Variants in ATF7IP observed in about 807,000 individuals in gnomAD.
ATF7IP encodes the protein activating transcription factor 7-interacting protein 1.
A neutral mutation model predicts 106.4 loss-of-function variants in ATF7IP; 23 were observed. The observed-to-expected ratio is 0.22, with a 90% CI of 0.16 to 0.31. The LOEUF (loss-of-function observed/expected upper bound fraction) is 0.31, where lower values mean the gene tolerates loss of function less well. Ranked by LOEUF, ATF7IP falls within the 10% of genes least tolerant of loss-of-function variation. The probability of loss-of-function intolerance (pLI) is 1.00; values close to 1 mark genes in which losing one functional copy is unlikely to be tolerated. For synonymous variants in ATF7IP, 542 were observed against 539.0 expected (o/e 1.01, Z -0.08); for missense variants, 1,334 against 1,524.3 (o/e 0.88, Z 2.08).
chr12:14,464,393 TA>T (rs1383055794), intron 9 of ATF7IP, among the ~76,000 whole-genome samples: 1 of 152,228 alleles, frequency 6.6e-6, no homozygotes, highest in Non-Finnish European at 1.5e-5. Context: ...TTCAAGGACA[TA>T]ATTAAATGAG....
At chr12:14,431,004 T>G (rs1942091655) in intron 2 of ATF7IP, among the ~76,000 whole-genome samples, 1 of 152,226 alleles carries the variant, frequency 6.6e-6, no homozygotes, top group Admixed American at 6.5e-5. Flanking sequence ...AGGCAATGGT[T>G]TTTGTCCTCC....
intron 1 of ATF7IP, among the ~76,000 whole-genome samples, chr12:14,394,442 T>C (rs1291643812): frequency 1.3e-5 from 2 of 152,222 alleles, no homozygotes; most frequent in East Asian, 1.9e-4. Flanking sequence ...TATTCAAATA[T>C]GTATATCAAA....
At chr12:14,460,320 GAATTT>G (rs1943589166) in intron 8 of ATF7IP, among the ~76,000 whole-genome samples, 170 bp from the exon 9 acceptor site, 1 of 151,968 alleles carries the variant, frequency 6.6e-6, no homozygotes, top group Admixed American at 6.6e-5. Context: ...ATGCTTCTAT[GAATTT>G]AATTCTAAAT....
At chr12:14,488,478 A>G (rs545982452) in intron 13 of ATF7IP, among the ~76,000 whole-genome samples, 237 of 152,244 alleles carry the variant, frequency 1.6e-3, no homozygotes, top group Non-Finnish European at 2.6e-3. Context: ...TGCCTGCTTT[A>G]TATTTGTTGG....
intron 1 of ATF7IP, among the ~76,000 whole-genome samples, chr12:14,374,698 A>C (rs1043102992): frequency 6.6e-6 from 1 of 152,186 alleles, no homozygotes; most frequent in Non-Finnish European, 1.5e-5. Flanking sequence ...TCTTAGAGCC[A>C]GAAAGGAAGG....
chr12:14,416,435 TA>T (rs1379224949), intron 1 of ATF7IP, among the ~76,000 whole-genome samples: 1 of 152,208 alleles, frequency 6.6e-6, no homozygotes, highest in Non-Finnish European at 1.5e-5. Context: ...CATGTCCACT[TA>T]AAAGGTTTTG....
chr12:14,405,319 T>C (rs1241225417), intron 1 of ATF7IP, among the ~76,000 whole-genome samples: 1 of 151,588 alleles, frequency 6.6e-6, no homozygotes, highest in Non-Finnish European at 1.5e-5. Context: ...CTTGCTCTGC[T>C]ATAGAAGATA....
intron 1 of ATF7IP, among the ~76,000 whole-genome samples, chr12:14,387,996 T>C (rs984987750): frequency 4.7e-5 from 7 of 150,462 alleles, no homozygotes; most frequent in African/African-American, 1.7e-4. Flanking sequence ...CCATTTTCTT[T>C]CTTTCCTTTC....
At chr12:14,367,967 C>G (rs188724935) in intron 1 of ATF7IP, among the ~76,000 whole-genome samples, 2 of 151,994 alleles carry the variant, frequency 1.3e-5, no homozygotes, top group Admixed American at 1.3e-4. Context: ...GAATGAATAC[C>G]AAGTTACTGA....
At position 14,460,807 on chromosome 12, in the gene ATF7IP, C is replaced by A; in HGVS notation, c.2471C>A (p.Thr824Lys). Residue 824 changes from threonine to lysine, a missense_variant, in exon 9 of 15, where the codon ACA (threonine) becomes AAA (lysine). Physicochemically the swap from Thr to Lys is moderately conservative, Grantham distance 78. Transcript: ENST00000261168. ...VEFISVQSPP[T>K]VSGLTKNPVS... Reference sequence around the variant, plus strand: ...TTCATTTCTGTGCAAAGCCCACCTACAGTGAGTGGTCTTACCAAAAATCCA... The same window carrying A: ...TTCATTTCTGTGCAAAGCCCACCTAAAGTGAGTGGTCTTACCAAAAATCCA... 1 of 1,614,210 alleles carries A rather than the reference C, an allele frequency of 6.2e-7. No homozygotes were observed. The highest frequency in any genetic ancestry group is 8.5e-7 in the Non-Finnish European group (1 of 1,180,026).
chr12:14,495,880 C>T (rs1177713634), intron 13 of ATF7IP, among the ~76,000 whole-genome samples: 5 of 152,088 alleles, frequency 3.3e-5, no homozygotes, highest in African/African-American at 1.2e-4. Flanking sequence ...GTTCATAGTT[C>T]TCCTGGTAAC....
chr12:14,428,265 T>C (rs1306261617), intron 2 of ATF7IP, among the ~76,000 whole-genome samples: 1 of 152,242 alleles, frequency 6.6e-6, no homozygotes. Context: ...TGCTGAGAGA[T>C]GAATATTAAG....
chr12:14,455,959 G>A (rs1256624207), intron 6 of ATF7IP, among the ~76,000 whole-genome samples: 1 of 152,076 alleles, frequency 6.6e-6, no homozygotes, highest in Non-Finnish European at 1.5e-5. Flanking sequence ...TAATATGTAG[G>A]CGTTATAATT....
At chr12:14,473,288 CTCTGTGTGTG>C (rs1435779842) in intron 10 of ATF7IP, among the ~76,000 whole-genome samples, 7,729 of 140,408 alleles carry the variant, frequency 0.055, 484 homozygotes, top group African/African-American at 0.15. Flanking sequence ...CTCTCTCTCT[CTCTGTGTGTG>C]TGTGTGTGTG....
At chr12:14,467,147 T>C (rs1181800493) in intron 10 of ATF7IP, among the ~76,000 whole-genome samples, 1 of 152,180 alleles carries the variant, frequency 6.6e-6, no homozygotes, top group Non-Finnish European at 1.5e-5. Flanking sequence ...TTAACAGTGT[T>C]CTTCCTTGTT....
At chr12:14,439,699 A>G (rs544966199) in intron 5 of ATF7IP, among the ~76,000 whole-genome samples, 1 of 152,216 alleles carries the variant, frequency 6.6e-6, no homozygotes, top group African/African-American at 2.4e-5. Context: ...CGAGTGTGGT[A>G]GTGCATGCCT....
chr12:14,422,995 A>C (rs1211755097), intron 1 of ATF7IP, among the ~76,000 whole-genome samples: 1 of 152,120 alleles, frequency 6.6e-6, no homozygotes, highest in Non-Finnish European at 1.5e-5. Context: ...AGCTGCACCT[A>C]TTTGCAATCC....
At chr12:14,473,926 CT>C (rs1302854849) in intron 10 of ATF7IP, among the ~76,000 whole-genome samples, 2 of 151,098 alleles carry the variant, frequency 1.3e-5, no homozygotes, top group Non-Finnish European at 2.9e-5. Flanking sequence ...ATAATTTGTT[CT>C]GTTTATTTTC....
At chr12:14,422,312 TACACACACAC>T (rs59503201) in intron 1 of ATF7IP, among the ~76,000 whole-genome samples, 2,979 of 142,298 alleles carry the variant, frequency 0.021, 67 homozygotes, top group African/African-American at 0.058. Flanking sequence ...AAAAAGAGAA[TACACACACAC>T]ACACACACAC....
Sources: allele counts gnomAD v4.1 joint callset (sites outside exome capture counted in the v4.1 genomes callset), GRCh38; gene constraint gnomAD v4.1.1; transcripts MANE v1.5; gene names NCBI Gene and HGNC (gene_info 2026-07-23, HGNC 2026-07-21).